Variants in PTH2R observed in about 807,000 individuals in gnomAD.
PTH2R encodes the protein PTH2 receptor.
Under a neutral mutation model 60.3 loss-of-function variants are expected in PTH2R, and 59 were observed. The observed-to-expected ratio is 0.98, with a 90% CI of 0.79 to 1.22. PTH2R has a LOEUF of 1.22. Ranked by LOEUF, PTH2R falls within the 50% of genes most tolerant of loss-of-function variation. The pLI, the probability that PTH2R is intolerant of heterozygous loss-of-function variation, is 0.00. For missense variants in PTH2R, 749 were observed against 682.6 expected (o/e 1.10, Z -1.08); for synonymous variants, 256 against 243.8 (o/e 1.05, Z -0.47).
At chr2:208,463,968 A>T (rs1370373) in intron 9 of PTH2R, among the ~76,000 whole-genome samples, 15,878 of 152,256 alleles carry the variant, frequency 0.1, 1,974 homozygotes, top group African/African-American at 0.3. Flanking sequence ...CATTGGTGTG[A>T]CTATTTTTTA....
chr2:208,476,070 G>A (rs1702996072), intron 9 of PTH2R, among the ~76,000 whole-genome samples: 1 of 152,164 alleles, frequency 6.6e-6, no homozygotes, highest in East Asian at 1.9e-4. Flanking sequence ...GAAGGAATAA[G>A]ATGGTATTTC....
intron 9 of PTH2R, among the ~76,000 whole-genome samples, chr2:208,473,785 C>A (rs1224814123): frequency 1.3e-5 from 2 of 151,978 alleles, no homozygotes; most frequent in Non-Finnish European, 2.9e-5. Flanking sequence ...GATAAGCATG[C>A]CACATGTAGG....
intron 1 of PTH2R, among the ~76,000 whole-genome samples, chr2:208,374,098 T>C (rs972090965): frequency 6.6e-6 from 1 of 151,778 alleles, no homozygotes; most frequent in Non-Finnish European, 1.5e-5. Context: ...GGGAGGGTCT[T>C]TTTTGCCTTT....
chr2:208,432,621 G>T (rs887943142), intron 2 of PTH2R, among the ~76,000 whole-genome samples: 1 of 152,188 alleles, frequency 6.6e-6, no homozygotes, highest in African/African-American at 2.4e-5. Flanking sequence ...CCATCTGCAA[G>T]CTGGGGAAGA....
intron 2 of PTH2R, 112 bp downstream of exon 2, chr2:208,428,415 TTTCC>T: frequency 6.8e-6 from 5 of 731,676 alleles, no homozygotes; most frequent in Non-Finnish European, 1.2e-5. Flanking sequence ...TCAATCCACA[TTTCC>T]ATGTGGAGGG....
At chr2:208,468,710 C>T (rs2105895128) in intron 9 of PTH2R, among the ~76,000 whole-genome samples, 1 of 152,254 alleles carries the variant, frequency 6.6e-6, no homozygotes, top group East Asian at 1.9e-4. Context: ...AATTAGATTA[C>T]CAATTGTAAT....
At chr2:208,482,923 A>G (rs1401970449) in intron 10 of PTH2R, among the ~76,000 whole-genome samples, 3 of 152,164 alleles carry the variant, frequency 2.0e-5, no homozygotes, top group African/African-American at 7.2e-5. Flanking sequence ...CTGCACGTCC[A>G]TTCATAGGCT....
intron 1 of PTH2R, among the ~76,000 whole-genome samples, chr2:208,379,948 A>G (rs1700880513): frequency 1.3e-5 from 2 of 152,178 alleles, no homozygotes; most frequent in South Asian, 4.1e-4. Flanking sequence ...GAAAAATTCA[A>G]AGGCTCAGAA....
intron 10 of PTH2R, among the ~76,000 whole-genome samples, chr2:208,487,787 A>T (rs898283282): frequency 6.6e-6 from 1 of 152,178 alleles, no homozygotes; most frequent in Non-Finnish European, 1.5e-5. Flanking sequence ...GGATTCAGTT[A>T]CTTGCTGGCT....
At chr2:208,386,470 C>CCTGG (rs1345637465) in intron 1 of PTH2R, among the ~76,000 whole-genome samples, 1 of 152,060 alleles carries the variant, frequency 6.6e-6, no homozygotes, top group Non-Finnish European at 1.5e-5. Context: ...TAGCACAATA[C>CCTGG]CTGGCACACT....
intron 1 of PTH2R, among the ~76,000 whole-genome samples, chr2:208,368,800 G>A (rs918538098): frequency 1.3e-5 from 2 of 152,172 alleles, no homozygotes; most frequent in Non-Finnish European, 2.9e-5. Flanking sequence ...AGCCTCCATG[G>A]AAGCTCAAGG....
upstream of PTH2R, among the ~76,000 whole-genome samples, chr2:208,404,750 T>A (rs944979964): frequency 7.2e-5 from 11 of 152,164 alleles, no homozygotes; most frequent in African/African-American, 2.7e-4. Flanking sequence ...TCTCTTCAGA[T>A]GTACCCCGAG....
intron 3 of PTH2R, 21 bp downstream of exon 3, chr2:208,437,668 G>T (rs1286648440): frequency 1.2e-6 from 2 of 1,604,268 alleles, no homozygotes. Flanking sequence ...TTTCTAAAAT[G>T]ATTAATTTAA....
chr2:208,435,581 G>A lies in PTH2R; in HGVS notation c.179-1956G>A, dbSNP rs138388417. Among the ~76,000 whole-genome samples the A allele has an allele frequency of 8.8e-3, 1,335 of 152,324 alleles. 6 individuals are homozygous for A. The highest frequency in any genetic ancestry group is 0.014 in the Non-Finnish European group (971 of 68,026). On this transcript the variant is annotated intron_variant, in intron 2 of 12. Transcript: ENST00000272847. ...CTGACTTCGAAGATGGAAGAAGGGG[G>A]CCAAGCAGCTTCTGGAAGTTGGGAA...
intron 1 of PTH2R, among the ~76,000 whole-genome samples, chr2:208,381,339 A>G (rs560742805): frequency 5.1e-4 from 77 of 152,258 alleles, no homozygotes; most frequent in African/African-American, 8.0e-4. Context: ...GGAAATTAGC[A>G]TATTGTCAGA....
chr2:208,387,836 G>A (rs948214919), intron 1 of PTH2R, among the ~76,000 whole-genome samples: 10 of 152,090 alleles, frequency 6.6e-5, no homozygotes, highest in African/African-American at 2.2e-4. Flanking sequence ...ATCAGGAAAC[G>A]GATGCTCTCA....
intron 1 of PTH2R, among the ~76,000 whole-genome samples, chr2:208,391,621 A>T (rs1156656832): frequency 6.6e-6 from 1 of 152,178 alleles, no homozygotes; most frequent in Non-Finnish European, 1.5e-5. Context: ...TTATGACGTT[A>T]TGTAATGGAT....
rs1157805603 is a variant in PTH2R, at chr2:208,378,734, C to T, written c.-259+18497C>T. 2.6e-5 allele frequency among the ~76,000 whole-genome samples: 4 copies of T among 152,050 alleles called. No homozygotes were observed. In the South Asian group the frequency reaches 6.2e-4, roughly 24 times the overall value. On this transcript the variant is annotated intron_variant, in intron 1 of 12. Coordinates refer to the PTH2R transcript ENST00000617735. ...TCAGACTTCCCAGTCTCCTGAACTGCGAGATATAAATGTTTGCTGTTTAAG... is the reference window on the plus strand; with the variant it reads ...TCAGACTTCCCAGTCTCCTGAACTGTGAGATATAAATGTTTGCTGTTTAAG...
intron 9 of PTH2R, among the ~76,000 whole-genome samples, chr2:208,469,678 T>C (rs1173607799): frequency 6.6e-6 from 1 of 152,240 alleles, no homozygotes; most frequent in Non-Finnish European, 1.5e-5. Flanking sequence ...ACTAGAGTCA[T>C]TGGAAAATAC....
Sources: allele counts gnomAD v4.1 joint callset (sites outside exome capture counted in the v4.1 genomes callset), GRCh38; gene constraint gnomAD v4.1.1; transcripts MANE v1.5; gene names NCBI Gene and HGNC (gene_info 2026-07-23, HGNC 2026-07-21).